Variants in PHACTR3 observed in about 807,000 individuals in gnomAD.
PHACTR3 encodes the protein phosphatase and actin regulator 3.
PHACTR3 carries 16 observed loss-of-function variants against 66.8 expected under a neutral mutation model. That is an observed-to-expected ratio of 0.24 (90% CI 0.16 to 0.36). PHACTR3 has a LOEUF of 0.36. Ranked by LOEUF, PHACTR3 falls within the 10% of genes least tolerant of loss-of-function variation. PHACTR3 has a pLI of 1.00. For synonymous variants in PHACTR3, 323 were observed against 292.1 expected (o/e 1.11, Z -1.08); for missense variants, 647 against 719.9 (o/e 0.90, Z 1.16).
In PHACTR3 at chr20:59,665,503, A is replaced by G. The variant is rs187480248; in HGVS notation, c.118+60371A>G. On this transcript the variant is annotated intron_variant, in intron 1 of 12. Transcript: ENST00000371015. Reference sequence around the variant, plus strand: ...TCAAGCCAAGTAAAATGAATTTTTCATATTACGATTTTTTTTTTCCAGCAG... The same window carrying G: ...TCAAGCCAAGTAAAATGAATTTTTCGTATTACGATTTTTTTTTTCCAGCAG... Among the ~76,000 whole-genome samples the G allele has an allele frequency of 8.2e-4, 125 of 151,658 alleles. 1 individual carries two copies. The highest frequency in any genetic ancestry group is 2.9e-3 in the African/African-American group (120 of 41,472).
At chr20:59,685,948 C>A (rs2036846712) in intron 1 of PHACTR3, among the ~76,000 whole-genome samples, 1 of 152,232 alleles carries the variant, frequency 6.6e-6, no homozygotes, top group African/African-American at 2.4e-5. Context: ...CCCTCGGTAA[C>A]TGCCAGTTGG....
rs141163662 is a variant in PHACTR3 at position 59,585,750 on chromosome 20, C to T, written c.109+8133C>T. On this transcript the variant is annotated intron_variant, in intron 1 of 12. Transcript: ENST00000359926. Reference sequence around the variant, plus strand: ...GGCAGGGAGGCCTCCTCTCCTCACCCGCGTGCAGAGGCCCTTGCGGCTCAC... The same window carrying T: ...GGCAGGGAGGCCTCCTCTCCTCACCTGCGTGCAGAGGCCCTTGCGGCTCAC... Among the ~76,000 whole-genome samples, 97 of 152,310 alleles carry T rather than the reference C, an allele frequency of 6.4e-4. 1 individual carries two copies. Among genetic ancestry groups the T allele is most frequent in the Non-Finnish European group, 6.8e-4 (46 of 68,026 alleles).
Position 59,774,384 on chromosome 20 carries a change from T to G in PHACTR3, c.1068T>G (p.Ala356=). Residue 356 remains alanine, a synonymous_variant, in exon 7 of 13, where the codon GCT becomes GCG. Coordinates refer to ENST00000371015, the MANE Select transcript of PHACTR3 (RefSeq NM_080672.5). The stretch of plus-strand genomic sequence containing the variant: ...CATTGGAGAACAAGCGAACTGCCGC[T>G]AAGGAATCTGAGGAGAACAAGGAGA... ...DGALENKRTA[A]KESEENKENL... is the part of the protein sequence containing the mutation. 1 of 1,614,162 alleles carries G rather than the reference T, an allele frequency of 6.2e-7. No individual in the cohort carries two copies. Among genetic ancestry groups the G allele is most frequent in the Non-Finnish European group, 8.5e-7 (1 of 1,180,036 alleles).
chr20:59,686,746 GTGATGA>G (rs1156917251), intron 1 of PHACTR3, among the ~76,000 whole-genome samples: 7 of 72,052 alleles, frequency 9.7e-5, no homozygotes, highest in African/African-American at 2.3e-4. Flanking sequence ...GGTGATGATG[GTGATGA>G]TGATGGTGAT....
chr20:59,735,168 A>G (rs1357220700), intron 1 of PHACTR3, among the ~76,000 whole-genome samples: 1 of 152,112 alleles, frequency 6.6e-6, no homozygotes, highest in Non-Finnish European at 1.5e-5. Context: ...ATTGTGGCTC[A>G]TGTCACATTA....
chr20:59,686,851 GTGA>G (rs1201457126), intron 1 of PHACTR3, among the ~76,000 whole-genome samples: 4 of 133,632 alleles, frequency 3.0e-5, no homozygotes, highest in Non-Finnish European at 6.8e-5. Flanking sequence ...GGTGATGATG[GTGA>G]TGATGATGGT....
At chr20:59,809,352 G>A (rs1288294107) in intron 8 of PHACTR3, among the ~76,000 whole-genome samples, 1 of 152,144 alleles carries the variant, frequency 6.6e-6, no homozygotes, top group African/African-American at 2.4e-5. Flanking sequence ...GCATCGTGGT[G>A]TCGTCATCCC....
At chr20:59,607,203 C>T (rs1028393771) in intron 1 of PHACTR3, among the ~76,000 whole-genome samples, 1 of 152,074 alleles carries the variant, frequency 6.6e-6, no homozygotes, top group Non-Finnish European at 1.5e-5. Context: ...AATTCTTTTT[C>T]CAATGGTTCC....
intron 8 of PHACTR3, among the ~76,000 whole-genome samples, chr20:59,827,662 G>A (rs2042233373): frequency 6.6e-6 from 1 of 152,150 alleles, no homozygotes; most frequent in Non-Finnish European, 1.5e-5. Flanking sequence ...CCACGTACCT[G>A]GAGTTCTTTT....
In PHACTR3 at chr20:59,743,132, G is replaced by T. The variant is rs202066573; in HGVS notation, c.144G>T (p.Ala48=). The T allele has an allele frequency of 5.0e-6, 8 of 1,613,818 alleles. No individual in the cohort carries two copies. The highest frequency in any genetic ancestry group is 6.8e-6 in the Non-Finnish European group (8 of 1,179,910). Reference sequence around the variant, plus strand: ...ATGAGATGGACCAAACGCCCCCGGCGCGTCCTGAATATCTGGTCTCAGGGA... The same window carrying T: ...ATGAGATGGACCAAACGCCCCCGGCTCGTCCTGAATATCTGGTCTCAGGGA... The part of the protein sequence containing the change: ...NPDEMDQTPP[A]RPEYLVSGIR... The change falls in exon 2 of 13, where the codon GCG becomes GCT. Residue 48 remains alanine (A), a synonymous_variant. Coordinates refer to ENST00000371015, the MANE Select transcript of PHACTR3 (RefSeq NM_080672.5).
chr20:59,809,569 A>G (rs959509276), intron 8 of PHACTR3, among the ~76,000 whole-genome samples: 10 of 152,086 alleles, frequency 6.6e-5, no homozygotes, highest in Non-Finnish European at 1.2e-4. Context: ...ATCCTTCCCC[A>G]TTTTGAGTTA....
chr20:59,646,324 T>G (rs909004826), intron 1 of PHACTR3, among the ~76,000 whole-genome samples: 10 of 152,246 alleles, frequency 6.6e-5, no homozygotes. Context: ...GGGTTGGTTC[T>G]GGATATTATA....
At chr20:59,758,698 A>C (rs80077935) in intron 4 of PHACTR3, among the ~76,000 whole-genome samples, 3,392 of 152,300 alleles carry the variant, frequency 0.022, 59 homozygotes, top group Non-Finnish European at 0.035. Flanking sequence ...TGCTGGCACA[A>C]AAGTCGAATA....
At position 59,660,755 on chromosome 20, in the gene PHACTR3, G is replaced by A. The variant is rs559957241; in HGVS notation, c.118+55623G>A. ...CATATATAAACACTGAGTATCTACA[G>A]CAAGAACATCATTCTCTTGGAGAGC... is the stretch of plus-strand genomic sequence containing the variant. On this transcript the variant is annotated intron_variant, in intron 1 of 12. Coordinates refer to ENST00000371015, the MANE Select transcript of PHACTR3 (RefSeq NM_080672.5). Among the ~76,000 whole-genome samples the A allele has an allele frequency of 3.3e-5, 5 of 152,340 alleles. No homozygotes were observed. The East Asian group carries it at 5.8e-4, about 18-fold the overall frequency.
chr20:59,765,405 C>T (rs977403734), intron 4 of PHACTR3, among the ~76,000 whole-genome samples: 2 of 152,140 alleles, frequency 1.3e-5, no homozygotes, highest in Admixed American at 6.5e-5. Context: ...TTCAGGCCAA[C>T]TTCATAACAC....
rs1337903352 is a variant in PHACTR3 at position 59,816,442 on chromosome 20, TCCACTTTGCATGTGAGGA to T, written c.1328+10249_1328+10266del. ...TTCCTGTGTGATAGGCCTCACAGCC[TCCACTTTGCATGTGAGGA>T]AATGGAGGCTCAGAATTGTTAGTAG... On this transcript the variant is annotated intron_variant, in intron 8 of 12. Transcript: ENST00000371015. Among the ~76,000 whole-genome samples the T allele has an allele frequency of 7.2e-5, 11 of 152,196 alleles. 1 individual carries two copies. The South Asian group carries it at 2.3e-3, about 32-fold the overall frequency.
intron 11 of PHACTR3, among the ~76,000 whole-genome samples, chr20:59,843,238 T>C (rs763295883): frequency 2.6e-5 from 4 of 152,066 alleles, no homozygotes; most frequent in Non-Finnish European, 5.9e-5. Flanking sequence ...TGGAAAGATA[T>C]CTCATGCTCA....
chr20:59,699,716 C>T (rs1488637685), intron 1 of PHACTR3, among the ~76,000 whole-genome samples: 1 of 152,092 alleles, frequency 6.6e-6, no homozygotes, highest in Non-Finnish European at 1.5e-5. Context: ...GTAATCCAAG[C>T]ACTTTGGGAG....
chr20:59,707,980 CAT>C (rs1224193935), intron 1 of PHACTR3, among the ~76,000 whole-genome samples: 1 of 152,188 alleles, frequency 6.6e-6, no homozygotes, highest in Non-Finnish European at 1.5e-5. Context: ...TGGGAAAACA[CAT>C]ATTTTAAATT....
Sources: allele counts gnomAD v4.1 joint callset (sites outside exome capture counted in the v4.1 genomes callset), GRCh38; gene constraint gnomAD v4.1.1; transcripts MANE v1.5; gene names NCBI Gene and HGNC (gene_info 2026-07-23, HGNC 2026-07-21).